BANF2: variants seen among roughly 807,000 people sequenced by gnomAD.
BANF2 encodes BANF family member 2.
BANF2 carries 4 observed loss-of-function variants against 8.0 expected under a neutral mutation model. The observed-to-expected ratio is 0.50, with a 90% CI of 0.25 to 1.14. The LOEUF is 1.14. Ranked by LOEUF, BANF2 falls within the 50% of genes most tolerant of loss-of-function variation. The pLI is 0.16. For synonymous variants in BANF2, 50 were observed against 40.6 expected, an observed-to-expected ratio of 1.23 and a Z score of -0.88; for missense variants, 96 against 107.5, an observed-to-expected ratio of 0.89 and a Z score of 0.47.
chr20:17,731,269 AAAG>A (rs1568820878), intron 3 of BANF2: 1 of 152,016 alleles, frequency 6.6e-6, no homozygotes, highest in Non-Finnish European at 1.5e-5. Context: ...TCTCAAAATA[AAAG>A]AAGAAGAAAA....
chr20:17,712,480 A>T, intron 1 of BANF2: 2 of 968,806 alleles, frequency 2.1e-6, no homozygotes, highest in Non-Finnish European at 2.5e-6. Flanking sequence ...CAGCCCGACA[A>T]CCTTCCTGAC....
chr20:17,713,297 T>C (rs1231717493), intron 1 of BANF2, among the ~76,000 whole-genome samples: 1 of 151,942 alleles, frequency 6.6e-6, no homozygotes, highest in Admixed American at 6.6e-5. Context: ...GTTGCATGGA[T>C]GCACCTTGAG....
chr20:17,705,892 T>C (rs1441089879), intron 1 of BANF2, among the ~76,000 whole-genome samples: 1 of 152,222 alleles, frequency 6.6e-6, no homozygotes, highest in Non-Finnish European at 1.5e-5. Context: ...CTGTGTGTTT[T>C]CCTTTCTCCC....
chr20:17,704,870 G>A (rs956692629), intron 1 of BANF2, among the ~76,000 whole-genome samples: 1 of 152,160 alleles, frequency 6.6e-6, no homozygotes, highest in Non-Finnish European at 1.5e-5. Context: ...CGCTCTGACA[G>A]GATCCCCCAC....
In BANF2 at chr20:17,700,815, G is replaced by A. The variant is rs143404023; in HGVS notation, c.-167+760G>A. Among the ~76,000 whole-genome samples, 305 of 152,282 alleles carry A rather than the reference G, an allele frequency of 2.0e-3. 1 individual carries two copies. The highest frequency in any genetic ancestry group is 3.9e-3 in the East Asian group (20 of 5,172). On this transcript the variant is annotated intron_variant, in intron 1 of 3. Transcript: ENST00000246090. ...CTTCTATAACAAACAGTAGGGACCCGTTCTGGGCCCCAGGAGGCACAGCTG... is the reference window on the plus strand; with the variant it reads ...CTTCTATAACAAACAGTAGGGACCCATTCTGGGCCCCAGGAGGCACAGCTG...
At chr20:17,700,750 G>A (rs2037394789) in intron 1 of BANF2, among the ~76,000 whole-genome samples, 1 of 152,178 alleles carries the variant, frequency 6.6e-6, no homozygotes, top group South Asian at 2.1e-4. Context: ...TTCCATATGG[G>A]CCACCTGCAC....
At chr20:17,697,290 T>C (rs897096079), upstream of BANF2, among the ~76,000 whole-genome samples, 14 of 152,210 alleles carry the variant, frequency 9.2e-5, no homozygotes, top group Admixed American at 3.3e-4. Flanking sequence ...GGAATTTGTG[T>C]AGCAAATCAG....
intron 1 of BANF2, among the ~76,000 whole-genome samples, chr20:17,721,769 G>A (rs1352711749): frequency 6.6e-6 from 1 of 152,206 alleles, no homozygotes; most frequent in Admixed American, 6.5e-5. Context: ...TGACTGATAA[G>A]ATCCTGGGTC....
intron 1 of BANF2, among the ~76,000 whole-genome samples, chr20:17,710,424 AT>A (rs1358277659): frequency 1.3e-5 from 2 of 152,122 alleles, no homozygotes; most frequent in Non-Finnish European, 2.9e-5. Context: ...AATAGGAACA[AT>A]TCTCTAATGT....
intron 1 of BANF2, among the ~76,000 whole-genome samples, chr20:17,702,270 A>C (rs543042083): frequency 6.6e-6 from 1 of 152,292 alleles, no homozygotes; most frequent in Admixed American, 6.5e-5. Flanking sequence ...CTCCTCTTGG[A>C]CGTTGCCCTG....
upstream of BANF2, among the ~76,000 whole-genome samples, chr20:17,698,007 C>T (rs563366095): frequency 1.3e-5 from 2 of 151,936 alleles, no homozygotes; most frequent in Admixed American, 6.6e-5. Context: ...GAGTTTGAGA[C>T]CAGCCTGGCC....
At position 17,708,045 on chromosome 20, in the gene BANF2, TCA is replaced by T. The variant is rs1491112433; in HGVS notation, c.-167+7991_-167+7992del. Among the ~76,000 whole-genome samples the T allele has an allele frequency of 2.7e-4, 16 of 58,572 alleles. 1 individual carries two copies. The highest frequency in any genetic ancestry group is 6.9e-4 in the Admixed American group (3 of 4,328). 38.4% of individuals were successfully genotyped at this position (58,572 alleles called of 152,430 possible). A position where few individuals can be genotyped will look rare whatever the true frequency, so the allele number is the denominator to read the frequency against. ...GGTGAAACCCTGTCTCTACTAAAAA[TCA>T]AAAAAAAAAAAAAAAAAAAACCAAA... On this transcript the variant is annotated intron_variant, in intron 1 of 3. Coordinates refer to ENST00000246090, the MANE Select transcript of BANF2 (RefSeq NM_178477.5).
At chr20:17,699,761 TCA>T (rs1236777068), upstream of BANF2, among the ~76,000 whole-genome samples, 1 of 152,092 alleles carries the variant, frequency 6.6e-6, no homozygotes, top group Non-Finnish European at 1.5e-5. Flanking sequence ...CAGACATCCC[TCA>T]CTCTTTCCCA....
At chr20:17,699,192 G>A (rs1354854311), upstream of BANF2, among the ~76,000 whole-genome samples, 5 of 152,160 alleles carry the variant, frequency 3.3e-5, no homozygotes, top group East Asian at 1.9e-4. Context: ...AAGCGAAGCC[G>A]TTTGCTCTTG....
rs144353755 is a variant in BANF2 at position 17,702,746 on chromosome 20, T to A, written c.-167+2691T>A. Among the ~76,000 whole-genome samples the A allele has an allele frequency of 6.1e-3, 932 of 152,346 alleles. 13 individuals are homozygous for A. Among genetic ancestry groups the A allele is most frequent in the African/African-American group, 0.021 (868 of 41,584 alleles). On this transcript the variant is annotated intron_variant, in intron 1 of 3. Coordinates refer to ENST00000246090, the MANE Select transcript of BANF2 (RefSeq NM_178477.5). ...AAGCCCAAGAACACATGGTCTGACC[T>A]TGAACCCTGGTTCTGATCTGCTTCT...
chr20:17,701,192 C>T (rs2037403787), intron 1 of BANF2, among the ~76,000 whole-genome samples: 1 of 152,152 alleles, frequency 6.6e-6, no homozygotes, highest in South Asian at 2.1e-4. Flanking sequence ...TTAGGCCCCA[C>T]TGGAAAAGGA....
At chr20:17,716,455 G>A (rs189114030) in intron 1 of BANF2, among the ~76,000 whole-genome samples, 100 of 152,052 alleles carry the variant, frequency 6.6e-4, no homozygotes, top group African/African-American at 2.3e-3. Context: ...CACCTCAGCC[G>A]CCCAAGTATC....
At chr20:17,719,802 A>C (rs2037704489) in intron 1 of BANF2, among the ~76,000 whole-genome samples, 1 of 152,108 alleles carries the variant, frequency 6.6e-6, no homozygotes, top group Non-Finnish European at 1.5e-5. Flanking sequence ...TAATGAGGAC[A>C]TGATGCGCCT....
chr20:17,693,750 G>C (rs765664290), intron 1 of BANF2: 67 of 1,549,120 alleles, frequency 4.3e-5, no homozygotes, highest in Non-Finnish European at 5.3e-5. Flanking sequence ...GTGGGGAAGA[G>C]ACGGCGGGGA....
Sources: allele counts gnomAD v4.1 joint callset (sites outside exome capture counted in the v4.1 genomes callset), GRCh38; gene constraint gnomAD v4.1.1; transcripts MANE v1.5; gene names NCBI Gene and HGNC (gene_info 2026-07-23, HGNC 2026-07-21).